Variants in ASIC2 observed in about 807,000 individuals in gnomAD.
The protein encoded by ASIC2 is acid-sensing ion channel 2.
ASIC2 carries 25 observed loss-of-function variants against 57.3 expected under a neutral mutation model. The observed-to-expected ratio is 0.44, with a 90% confidence interval of 0.32 to 0.61. The LOEUF is 0.61. Ranked by LOEUF, ASIC2 falls within the 20% of genes least tolerant of loss-of-function variation. The pLI is 0.06. For synonymous variants in ASIC2, 319 were observed against 307.5 expected (o/e 1.04, Z -0.39); for missense variants, 641 against 738.1 (o/e 0.87, Z 1.52).
intron 1 of ASIC2, among the ~76,000 whole-genome samples, chr17:33,868,437 T>G (rs1439398203): frequency 6.6e-6 from 1 of 152,188 alleles, no homozygotes; most frequent in Non-Finnish European, 1.5e-5. Context: ...TCACACCATT[T>G]GCAAAAGTTT....
At chr17:33,657,113 T>C (rs1211164059) in intron 1 of ASIC2, among the ~76,000 whole-genome samples, 1 of 152,134 alleles carries the variant, frequency 6.6e-6, no homozygotes, top group Non-Finnish European at 1.5e-5. Flanking sequence ...TCATGTGTGC[T>C]CTCCTGATCA....
chr17:33,844,940 A>T (rs1040909278), intron 1 of ASIC2, among the ~76,000 whole-genome samples: 9 of 152,240 alleles, frequency 5.9e-5, no homozygotes, highest in South Asian at 2.1e-4. Flanking sequence ...TAAGTAACAC[A>T]GATGTTAAGT....
At chr17:33,326,592 A>G (rs1907087941) in intron 1 of ASIC2, among the ~76,000 whole-genome samples, 1 of 152,218 alleles carries the variant, frequency 6.6e-6, no homozygotes, top group Non-Finnish European at 1.5e-5. Flanking sequence ...CAATGAAGCC[A>G]CTGCTGAATA....
intron 1 of ASIC2, among the ~76,000 whole-genome samples, chr17:33,138,395 T>C (rs571758569): frequency 1.3e-5 from 2 of 152,132 alleles, no homozygotes; most frequent in East Asian, 3.9e-4. Flanking sequence ...ACAAGGAAAA[T>C]TGAGGACTAG....
chr17:34,087,965 C>G (rs1910173675), intron 1 of ASIC2, among the ~76,000 whole-genome samples: 1 of 152,172 alleles, frequency 6.6e-6, no homozygotes, highest in Non-Finnish European at 1.5e-5. Flanking sequence ...AAGTTTTTAA[C>G]TTCTTTGCCT....
chr17:33,126,755 C>T (rs999703330), intron 1 of ASIC2, among the ~76,000 whole-genome samples: 1 of 152,058 alleles, frequency 6.6e-6, no homozygotes, highest in African/African-American at 2.4e-5. Context: ...CACTGCACTC[C>T]AGCCTGGTGA....
At chr17:33,217,453 G>A (rs1009040544) in intron 1 of ASIC2, among the ~76,000 whole-genome samples, 3 of 152,206 alleles carry the variant, frequency 2.0e-5, no homozygotes, top group Non-Finnish European at 2.9e-5. Context: ...GCACGATTGC[G>A]TAGTCTATTT....
chr17:33,710,882 A>G (rs1412113867), intron 1 of ASIC2, among the ~76,000 whole-genome samples: 3 of 152,186 alleles, frequency 2.0e-5, no homozygotes, highest in African/African-American at 4.8e-5. Flanking sequence ...TGGGTTATAA[A>G]TAAGATGACG....
At chr17:33,819,993 G>A (rs574764889) in intron 1 of ASIC2, among the ~76,000 whole-genome samples, 1 of 152,176 alleles carries the variant, frequency 6.6e-6, no homozygotes, top group African/African-American at 2.4e-5. Context: ...CTACCTCAAG[G>A]AGCTGAAAAT....
chr17:33,555,771 A>G (rs1042751686), intron 1 of ASIC2, among the ~76,000 whole-genome samples: 1 of 152,130 alleles, frequency 6.6e-6, no homozygotes, highest in African/African-American at 2.4e-5. Flanking sequence ...CAAAGCAATC[A>G]TGGAAAGAAC....
At chr17:33,940,796 G>A (rs1433898809) in intron 1 of ASIC2, among the ~76,000 whole-genome samples, 4 of 152,220 alleles carry the variant, frequency 2.6e-5, no homozygotes, top group Non-Finnish European at 4.4e-5. Flanking sequence ...CTAGTCTTGG[G>A]GTGTCAAGAG....
rs771624171 is a variant in ASIC2 at position 33,898,220 on chromosome 17, C to CTTTTTTTTTTTTTTTTTTTTT, written c.555+257737_555+257757dup. ...AAACTGCCCAGAGTTCATGTATAAT[C>CTTTTTTTTTTTTTTTTTTTTT]TTTTTTTTTTTTTTTTTTTTTTTTT... On this transcript the variant is annotated intron_variant, in intron 1 of 9. Transcript: ENST00000359872. Among the ~76,000 whole-genome samples, 12 of 66,186 alleles carry CTTTTTTTTTTTTTTTTTTTTT rather than the reference C, an allele frequency of 1.8e-4. 2 individuals carry two copies. The highest frequency in any genetic ancestry group is 2.4e-4 in the African/African-American group (4 of 16,778). The allele number at this position is 66,186 out of a possible 152,430, so 43.4% of individuals were successfully genotyped here.
At chr17:33,175,082 T>C (rs1905694917) in intron 1 of ASIC2, among the ~76,000 whole-genome samples, 1 of 152,224 alleles carries the variant, frequency 6.6e-6, no homozygotes, top group Non-Finnish European at 1.5e-5. Flanking sequence ...AAAATTGTTC[T>C]TATTTCTAAT....
chr17:34,121,937 A>G (rs1455333575), intron 1 of ASIC2, among the ~76,000 whole-genome samples: 2 of 152,158 alleles, frequency 1.3e-5, no homozygotes, highest in Non-Finnish European at 2.9e-5. Context: ...CCCTCCTATG[A>G]TGCCCTTCTC....
chr17:33,499,347 T>C (rs73983917), intron 1 of ASIC2, among the ~76,000 whole-genome samples: 1 of 152,208 alleles, frequency 6.6e-6, no homozygotes, highest in South Asian at 2.1e-4. Flanking sequence ...GTGACTTTAT[T>C]TGGAAATAGG....
intron 1 of ASIC2, among the ~76,000 whole-genome samples, chr17:33,859,154 C>T (rs1445041727): frequency 6.6e-6 from 1 of 152,154 alleles, no homozygotes; most frequent in Admixed American, 6.6e-5. Flanking sequence ...AAGAAGCAAA[C>T]TAGCTATAAA....
intron 1 of ASIC2, among the ~76,000 whole-genome samples, chr17:33,528,762 T>C (rs924098959): frequency 6.6e-6 from 1 of 152,242 alleles, no homozygotes; most frequent in Non-Finnish European, 1.5e-5. Flanking sequence ...AACCATTGCA[T>C]GAATCACCCT....
chr17:33,789,955 G>C (rs1347297772), intron 1 of ASIC2, among the ~76,000 whole-genome samples: 1 of 152,138 alleles, frequency 6.6e-6, no homozygotes, highest in Non-Finnish European at 1.5e-5. Context: ...GAATGACGTG[G>C]GTCATAGAGG....
chr17:33,560,049 C>A (rs982829624), intron 1 of ASIC2, among the ~76,000 whole-genome samples: 11 of 151,948 alleles, frequency 7.2e-5, no homozygotes, highest in African/African-American at 2.7e-4. Context: ...CATTTTTTTT[C>A]AATCACCAAA....
Sources: gnomAD v4.1 joint callset for allele counts (sites outside exome capture counted in the v4.1 genomes callset) on GRCh38, gnomAD v4.1.1 for gene constraint, MANE v1.5 for transcripts, NCBI Gene and HGNC (gene_info 2026-07-23, HGNC 2026-07-21) for gene names.